ATG10: variants seen among roughly 807,000 people sequenced by gnomAD.
ATG10 encodes the protein ubiquitin-like-conjugating enzyme ATG10.
A neutral mutation model predicts 32.1 loss-of-function variants in ATG10; 30 were observed. The observed-to-expected ratio is 0.94, with a 90% CI of 0.70 to 1.27. The LOEUF (loss-of-function observed/expected upper bound fraction) is 1.27. Among genes scored for constraint, ATG10 ranks in the 50% most tolerant of loss-of-function variants. ATG10 has a pLI of 0.00. For missense variants in ATG10, 233 were observed against 262.3 expected, an observed-to-expected ratio of 0.89 and a Z score of 0.77; for synonymous variants, 87 against 91.5, an observed-to-expected ratio of 0.95 and a Z score of 0.28.
intron 3 of ATG10, 40 bp downstream of exon 3, chr5:82,058,642 A>G: frequency 7.3e-7 from 1 of 1,366,250 alleles, no homozygotes; most frequent in Non-Finnish European, 1.0e-6. Context: ...CAGTCTCCGT[A>G]AAGTATACAT....
At chr5:82,065,265 T>G (rs1763906130) in intron 3 of ATG10, among the ~76,000 whole-genome samples, 1 of 152,002 alleles carries the variant, frequency 6.6e-6, no homozygotes, top group African/African-American at 2.4e-5. Flanking sequence ...TCGGGGCGGA[T>G]CACTTGAGGC....
intron 5 of ATG10, among the ~76,000 whole-genome samples, chr5:82,215,386 A>G (rs1449043817): frequency 6.6e-6 from 1 of 152,184 alleles, no homozygotes; most frequent in African/African-American, 2.4e-5. Context: ...GCCATATTCT[A>G]TTTGTTAGAA....
chr5:82,057,377 G>T (rs1363976741), intron 2 of ATG10, among the ~76,000 whole-genome samples: 1 of 152,052 alleles, frequency 6.6e-6, no homozygotes, highest in African/African-American at 2.4e-5. Context: ...ATGTTGGCAG[G>T]GTCCTGCTCC....
At chr5:82,230,214 G>C (rs556743234) in intron 5 of ATG10, among the ~76,000 whole-genome samples, 5 of 152,220 alleles carry the variant, frequency 3.3e-5, no homozygotes, top group South Asian at 4.1e-4. Context: ...TCAAAGGAAG[G>C]GTTAGTTCTC....
chr5:82,184,697 C>G (rs1374150227), intron 5 of ATG10, among the ~76,000 whole-genome samples: 2 of 152,146 alleles, frequency 1.3e-5, no homozygotes, highest in African/African-American at 4.8e-5. Context: ...AGAGAGATGA[C>G]TGTATTCATA....
chr5:82,007,942 T>A (rs930385891), intron 2 of ATG10, among the ~76,000 whole-genome samples: 6 of 152,186 alleles, frequency 3.9e-5, no homozygotes, highest in Non-Finnish European at 8.8e-5. Context: ...TATAGATTCT[T>A]TCCTAAAATT....
At chr5:82,150,090 G>A (rs528170148) in intron 3 of ATG10, among the ~76,000 whole-genome samples, 12 of 152,172 alleles carry the variant, frequency 7.9e-5, no homozygotes, top group South Asian at 2.1e-4. Flanking sequence ...TACACCTATT[G>A]CTGTGGGTAT....
At chr5:82,031,096 C>A (rs1351405220) in intron 2 of ATG10, among the ~76,000 whole-genome samples, 1 of 151,820 alleles carries the variant, frequency 6.6e-6, no homozygotes, top group African/African-American at 2.4e-5. Context: ...GAGAGAATTA[C>A]CAGATGGGCA....
At chr5:82,220,592 T>C (rs1341201768) in intron 5 of ATG10, among the ~76,000 whole-genome samples, 3 of 151,428 alleles carry the variant, frequency 2.0e-5, no homozygotes, top group Non-Finnish European at 4.4e-5. Flanking sequence ...ATGCAGTGTG[T>C]TTTAACTTCT....
intron 2 of ATG10, among the ~76,000 whole-genome samples, chr5:82,033,682 C>T (rs1055319906): frequency 2.0e-5 from 3 of 151,702 alleles, no homozygotes; most frequent in Non-Finnish European, 4.4e-5. Context: ...TCCAATTAGA[C>T]TCACCTTGTA....
chr5:82,130,811 A>G (rs780715058), intron 3 of ATG10, among the ~76,000 whole-genome samples: 29 of 152,058 alleles, frequency 1.9e-4, no homozygotes, highest in East Asian at 3.9e-4. Flanking sequence ...CAGCCACCCA[A>G]AATATCTTTA....
chr5:82,119,259 G>T (rs535220561), intron 3 of ATG10, among the ~76,000 whole-genome samples: 8 of 151,942 alleles, frequency 5.3e-5, no homozygotes, highest in Non-Finnish European at 1.0e-4. Flanking sequence ...ACAGATTTTT[G>T]TGGTCCATTG....
At chr5:82,061,713 T>C (rs1170504979) in intron 3 of ATG10, among the ~76,000 whole-genome samples, 2 of 147,910 alleles carry the variant, frequency 1.4e-5, no homozygotes, top group Non-Finnish European at 3.0e-5. Flanking sequence ...ATATGTAATA[T>C]AGTATATTAT....
At chr5:82,187,226 C>G (rs1398076768) in intron 5 of ATG10, among the ~76,000 whole-genome samples, 2 of 152,002 alleles carry the variant, frequency 1.3e-5, no homozygotes, top group Non-Finnish European at 2.9e-5. Flanking sequence ...GCATATGGGC[C>G]AGGCATGGTG....
intron 3 of ATG10, among the ~76,000 whole-genome samples, chr5:82,128,881 T>C (rs985002490): frequency 3.3e-5 from 5 of 151,738 alleles, no homozygotes; most frequent in Non-Finnish European, 7.4e-5. Context: ...GTTCTCTGTA[T>C]TTCCTGAGTT....
At chr5:82,069,396 A>C (rs1298851442) in intron 3 of ATG10, among the ~76,000 whole-genome samples, 2 of 152,188 alleles carry the variant, frequency 1.3e-5, no homozygotes, top group Admixed American at 6.5e-5. Flanking sequence ...ATAGCCCCTG[A>C]TATTTCATCC....
Position 82,230,809 on chromosome 5 carries a change from A to ATGG in ATG10, c.454-21752_454-21751insGGT, listed in dbSNP as rs532986755. The stretch of plus-strand genomic sequence containing the variant: ...TAACCATGGAATGATGTAAATATCC[A>ATGG]TTATGATATATTAGCTAGATGGAAA... On this transcript the variant is annotated intron_variant, in intron 5 of 7. Transcript: ENST00000282185. Among the ~76,000 whole-genome samples, 181 of 151,874 alleles carry ATGG rather than the reference A, an allele frequency of 1.2e-3. 2 individuals carry two copies. In the Middle Eastern group the frequency reaches 0.02, roughly 17 times the overall value.
intron 2 of ATG10, among the ~76,000 whole-genome samples, chr5:82,002,758 A>G (rs770606191): frequency 6.6e-6 from 1 of 152,124 alleles, no homozygotes; most frequent in Non-Finnish European, 1.5e-5. Flanking sequence ...CTATTTACTT[A>G]TATAAAAAAA....
chr5:82,195,623 G>A (rs745677145), intron 5 of ATG10, among the ~76,000 whole-genome samples: 4 of 152,124 alleles, frequency 2.6e-5, no homozygotes, highest in African/African-American at 9.7e-5. Context: ...TTATATCAAT[G>A]AAATCAAACA....
Sources: gnomAD v4.1 joint callset for allele counts (sites outside exome capture counted in the v4.1 genomes callset) on GRCh38, gnomAD v4.1.1 for gene constraint, MANE v1.5 for transcripts, NCBI Gene and HGNC (gene_info 2026-07-23, HGNC 2026-07-21) for gene names.